PLCE1: variants seen among roughly 807,000 people sequenced by gnomAD.
PLCE1 encodes phospholipase C epsilon 1.
PLCE1 carries 119 observed loss-of-function variants against 242.8 expected under a neutral mutation model. The observed-to-expected ratio is 0.49, with a 90% CI of 0.42 to 0.57. The LOEUF is 0.57. Ranked by LOEUF, PLCE1 falls within the 20% of genes least tolerant of loss-of-function variation. The pLI is 0.00. For synonymous variants in PLCE1, 945 were observed against 1,017.4 expected (o/e 0.93, Z 1.35); for missense variants, 2,441 against 2,788.8 (o/e 0.88, Z 2.81).
At chr10:94,156,130 GT>G (rs56336478) in intron 3 of PLCE1, among the ~76,000 whole-genome samples, 13,354 of 152,120 alleles carry the variant, frequency 0.088, 1,135 homozygotes, top group African/African-American at 0.22. Flanking sequence ...AAAAAAAACT[GT>G]TTTCCTCTAC....
intron 4 of PLCE1, among the ~76,000 whole-genome samples, chr10:94,217,093 C>T (rs2049554563): frequency 6.6e-6 from 1 of 150,730 alleles, no homozygotes; most frequent in Non-Finnish European, 1.5e-5. Context: ...TGTAAAAGCA[C>T]AGGCTTTTGA....
chr10:94,134,636 C>T (rs765508823), intron 3 of PLCE1, among the ~76,000 whole-genome samples: 7 of 152,216 alleles, frequency 4.6e-5, no homozygotes, highest in Middle Eastern at 3.4e-3. Context: ...TAGGAAGAAA[C>T]GGATCTCTAG....
At chr10:94,094,188 G>A (rs900782731) in intron 2 of PLCE1, among the ~76,000 whole-genome samples, 1 of 148,782 alleles carries the variant, frequency 6.7e-6, no homozygotes, top group Admixed American at 6.6e-5. Context: ...TGATCCGCCC[G>A]CCTCGGCCTC....
intron 32 of PLCE1, chr10:94,325,703 A>G (rs987768341): frequency 6.6e-6 from 1 of 152,242 alleles, no homozygotes; most frequent in Non-Finnish European, 1.5e-5. Context: ...CCAAGAAGTC[A>G]ATCAACTTGC....
chr10:94,101,961 T>G (rs754114065), intron 2 of PLCE1, among the ~76,000 whole-genome samples: 2 of 152,080 alleles, frequency 1.3e-5, no homozygotes, highest in African/African-American at 2.4e-5. Flanking sequence ...TCAGAACCAC[T>G]CGGATGAGTG....
At position 94,031,237 on chromosome 10, in the gene PLCE1, C is replaced by T; in HGVS notation, c.191C>T (p.Pro64Leu). ...ISQLNKLKEE[P>L]SGSNLPKILS... ...CAACTGAACAAACTTAAAGAAGAAC[C>T]TTCTGGAAGCAACTTGCCAAAGATT... is the stretch of plus-strand genomic sequence containing the variant. Residue 64 changes from proline (P) to leucine (L), a missense_variant, in exon 2 of 33, where the codon CCT becomes CTT. Pro to Leu is a moderately conservative substitution (Grantham distance 98, BLOSUM62 -3). Coordinates refer to ENST00000371380, the MANE Select transcript of PLCE1 (RefSeq NM_016341.4). 1.9e-6 allele frequency: 3 copies of T among 1,613,788 alleles called. No homozygotes were observed. Among genetic ancestry groups the T allele is most frequent in the South Asian group, 1.1e-5 (1 of 91,078 alleles).
intron 4 of PLCE1, among the ~76,000 whole-genome samples, chr10:94,183,791 G>C (rs964114786): frequency 6.6e-6 from 1 of 152,126 alleles, no homozygotes; most frequent in African/African-American, 2.4e-5. Context: ...GAGGAGGCAC[G>C]TCATGGGGCA....
intron 2 of PLCE1, among the ~76,000 whole-genome samples, chr10:94,071,488 G>C (rs965395664): frequency 8.3e-6 from 1 of 120,364 alleles, no homozygotes; most frequent in South Asian, 2.5e-4. Context: ...GTGTGTGTTT[G>C]GTTTTCGTTT....
At chr10:94,081,289 A>G (rs2044647959) in intron 2 of PLCE1, among the ~76,000 whole-genome samples, 1 of 152,182 alleles carries the variant, frequency 6.6e-6, no homozygotes, top group South Asian at 2.1e-4. Flanking sequence ...CTTCTAATCC[A>G]TAACTTTTCA....
At chr10:94,189,170 AC>A (rs2048583529) in intron 4 of PLCE1, among the ~76,000 whole-genome samples, 1 of 150,970 alleles carries the variant, frequency 6.6e-6, no homozygotes, top group Non-Finnish European at 1.5e-5. Context: ...AATATACTTA[AC>A]CTGGAACTTT....
intron 22 of PLCE1, among the ~76,000 whole-genome samples, chr10:94,285,919 C>T (rs2052428972): frequency 6.6e-6 from 1 of 152,140 alleles, no homozygotes; most frequent in East Asian, 1.9e-4. Flanking sequence ...AATGGTAGAC[C>T]TATGGCTCTG....
intron 4 of PLCE1, among the ~76,000 whole-genome samples, chr10:94,212,168 C>A (rs1176694844): frequency 2.0e-5 from 3 of 152,160 alleles, no homozygotes; most frequent in Non-Finnish European, 4.4e-5. Context: ...CTCACTGCAA[C>A]CTCTGCCTCC....
chr10:94,293,580 A>G lies in PLCE1; in HGVS notation c.5108A>G (p.Asn1703Ser). 1 of 1,614,054 alleles carries G rather than the reference A, an allele frequency of 6.2e-7. No individual in the cohort carries two copies. The change falls in exon 23 of 33, where the codon AAC becomes AGC. Residue 1703 changes from asparagine (N) to serine (S), a missense_variant. Transcript: ENST00000371380. Reference protein sequence around the residue: ...ERKSRKSIFGNNPGRMSPGET... With the variant: ...ERKSRKSIFGSNPGRMSPGET... ...AAAAGCAGGAAGTCCATTTTTGGCA[A>G]CAATCCGGGCAGAATGAGCCCAGGG... is the stretch of plus-strand genomic sequence containing the variant.
intron 7 of PLCE1, among the ~76,000 whole-genome samples, chr10:94,245,290 A>G (rs1175981313): frequency 2.0e-5 from 3 of 152,226 alleles, no homozygotes; most frequent in Non-Finnish European, 2.9e-5. Flanking sequence ...CCTTGCAAGT[A>G]GATTGGATTT....
intron 4 of PLCE1, among the ~76,000 whole-genome samples, chr10:94,188,025 CTCACAGCTA>C (rs2048537825): frequency 6.6e-6 from 1 of 152,076 alleles, no homozygotes; most frequent in African/African-American, 2.4e-5. Context: ...TCCCTAGGTA[CTCACAGCTA>C]CCATGAGGTC....
chr10:94,052,365 C>T (rs909600172), intron 2 of PLCE1, among the ~76,000 whole-genome samples: 8 of 152,150 alleles, frequency 5.3e-5, no homozygotes, highest in African/African-American at 1.9e-4. Flanking sequence ...CCCTACTTCT[C>T]CTTCTTAGAG....
chr10:94,191,428 G>A (rs1245739084), intron 4 of PLCE1, among the ~76,000 whole-genome samples: 1 of 152,144 alleles, frequency 6.6e-6, no homozygotes, highest in African/African-American at 2.4e-5. Flanking sequence ...GATCACTTGT[G>A]TCCAGGAGTT....
At chr10:94,112,941 C>T (rs1274015558) in intron 2 of PLCE1, among the ~76,000 whole-genome samples, 1 of 152,178 alleles carries the variant, frequency 6.6e-6, no homozygotes, top group Non-Finnish European at 1.5e-5. Context: ...TGGGTACCTA[C>T]TATGTGCCTG....
chr10:94,132,768 G>A (rs923352423), intron 3 of PLCE1, among the ~76,000 whole-genome samples: 6 of 152,142 alleles, frequency 3.9e-5, no homozygotes, highest in Non-Finnish European at 7.4e-5. Flanking sequence ...GGCCAACACG[G>A]TGGAACACCA....
Sources: gnomAD v4.1 joint callset for allele counts (sites outside exome capture counted in the v4.1 genomes callset) on GRCh38, gnomAD v4.1.1 for gene constraint, MANE v1.5 for transcripts, NCBI Gene and HGNC (gene_info 2026-07-23, HGNC 2026-07-21) for gene names.